The following TMPRSS15 variants were observed in gnomAD, a reference collection of about 807,000 sequenced individuals.
The protein encoded by TMPRSS15 is enteropeptidase.
TMPRSS15 carries 128 observed loss-of-function variants against 125.3 expected under a neutral mutation model. The ratio of observed to expected loss-of-function variants is 1.02; its 90% CI spans 0.89 to 1.18. TMPRSS15 has a LOEUF of 1.18. Ranked by LOEUF, TMPRSS15 falls within the 50% of genes most tolerant of loss-of-function variation. The pLI is 0.00. For missense variants in TMPRSS15, 1,283 were observed against 1,212.7 expected (o/e 1.06, Z -0.86); for synonymous variants, 446 against 423.2 (o/e 1.05, Z -0.66).
At chr21:18,270,697 T>A (rs1264260626) in intron 24 of TMPRSS15, among the ~76,000 whole-genome samples, 1 of 152,178 alleles carries the variant, frequency 6.6e-6, no homozygotes, top group African/African-American at 2.4e-5. Context: ...ATTGCTCATG[T>A]TTTCATCTGA....
chr21:18,463,951 G>A lies in TMPRSS15; in HGVS notation c.10+21848C>T, dbSNP rs186762149. On this transcript the variant is annotated intron_variant, in intron 1 of 7. Coordinates refer to the TMPRSS15 transcript ENST00000422787. Reference sequence around the variant, plus strand: ...GCACTTGGGGAAGCCGAGGTGGGTGGATCACGAGGTCAGGAGATGGAGACC... The same window carrying A: ...GCACTTGGGGAAGCCGAGGTGGGTGAATCACGAGGTCAGGAGATGGAGACC... 2.1e-3 allele frequency among the ~76,000 whole-genome samples: 322 copies of A among 152,128 alleles called. 1 individual carries two copies. Among genetic ancestry groups the A allele is most frequent in the African/African-American group, 7.3e-3 (303 of 41,526 alleles).
intron 18 of TMPRSS15, among the ~76,000 whole-genome samples, chr21:18,312,660 A>T (rs991571549): frequency 2.6e-5 from 4 of 151,898 alleles, no homozygotes; most frequent in Middle Eastern, 6.3e-3. Context: ...TCATCAAAAA[A>T]TATAAAATCA....
intron 16 of TMPRSS15, among the ~76,000 whole-genome samples, chr21:18,319,361 C>T (rs370544349): frequency 2.6e-4 from 39 of 149,558 alleles, no homozygotes; most frequent in African/African-American, 8.4e-4. Context: ...ACAGAGAATA[C>T]GCAGTAGATA....
At chr21:18,305,661 C>T (rs17836378) in intron 18 of TMPRSS15, among the ~76,000 whole-genome samples, 15,925 of 152,112 alleles carry the variant, frequency 0.1, 1,151 homozygotes, top group East Asian at 0.33. Context: ...GGTGTAGCTG[C>T]TGTATTACAA....
chr21:18,311,742 A>T (rs974605135), intron 18 of TMPRSS15, among the ~76,000 whole-genome samples: 2 of 152,202 alleles, frequency 1.3e-5, no homozygotes, highest in Non-Finnish European at 2.9e-5. Context: ...CTGGGCATAT[A>T]TTCAAAAGAA....
At chr21:18,370,720 A>G (rs929570121) in intron 6 of TMPRSS15, among the ~76,000 whole-genome samples, 4 of 152,164 alleles carry the variant, frequency 2.6e-5, no homozygotes, top group Non-Finnish European at 4.4e-5. Flanking sequence ...GAACATTTGC[A>G]TCGGGATTGC....
chr21:18,293,025 T>C (rs1213041626), intron 21 of TMPRSS15, among the ~76,000 whole-genome samples: 1 of 152,168 alleles, frequency 6.6e-6, no homozygotes, highest in African/African-American at 2.4e-5. Flanking sequence ...CGGTAGCTCC[T>C]TTGGAGACCA....
Position 18,383,681 on chromosome 21 carries a change from T to G in TMPRSS15, c.442A>C (p.Lys148Gln). ...EELIQGLEAN[K>Q]SSQLVTFHID... is the part of the protein sequence containing the mutation. ...TGGAAAGTGACCAGTTGGCTGGATT[T>G]ATTTGCTTCAAGGCCTTGAATCAGT... Residue 148 changes from lysine (K) to glutamine (Q), a missense_variant, in exon 4 of 25, where the codon AAA becomes CAA. By Grantham distance (53) the Lys-to-Gln change is moderately conservative. Coordinates refer to ENST00000284885, the MANE Select transcript of TMPRSS15 (RefSeq NM_002772.3). The G allele has an allele frequency of 6.2e-7, 1 of 1,614,076 alleles. No individual in the cohort carries two copies. Among genetic ancestry groups the G allele is most frequent in the Non-Finnish European group, 8.5e-7 (1 of 1,179,980 alleles).
chr21:18,294,435 T>C lies in TMPRSS15; in HGVS notation c.2321A>G (p.Lys774Arg), dbSNP rs2074877302. 6.2e-7 allele frequency: 1 copy of C among 1,614,132 alleles called. No individual in the cohort carries two copies. Among genetic ancestry groups the C allele is most frequent in the African/African-American group, 1.3e-5 (1 of 74,958 alleles). Residue 774 changes from lysine (K) to arginine (R), a missense_variant, in exon 21 of 25, where the codon AAA becomes AGA. Transcript: ENST00000284885. ...RLQCNHKSCG[K>R]KLAAQDITPK... ...GGTGATGTCTTGAGCTGCCAGTTTT[T>C]TTCCACAAGCTATTAAAATAATTGG...
At chr21:18,305,540 G>C (rs2088691040) in intron 18 of TMPRSS15, among the ~76,000 whole-genome samples, 1 of 152,044 alleles carries the variant, frequency 6.6e-6, no homozygotes, top group Admixed American at 6.5e-5. Flanking sequence ...GATGGAATTT[G>C]GTCCTAAAAC....
intron 21 of TMPRSS15, among the ~76,000 whole-genome samples, chr21:18,285,355 C>T (rs2074750336): frequency 6.6e-6 from 1 of 152,154 alleles, no homozygotes; most frequent in Non-Finnish European, 1.5e-5. Flanking sequence ...TATGGTAAGA[C>T]AGCTATGATA....
At chr21:18,348,927 C>T (rs2075536403) in intron 10 of TMPRSS15, among the ~76,000 whole-genome samples, 1 of 152,116 alleles carries the variant, frequency 6.6e-6, no homozygotes. Flanking sequence ...ATGTTTATTA[C>T]ATGCCTTTAA....
chr21:18,455,904 AGC>A lies in TMPRSS15; in HGVS notation c.10+29893_10+29894del, dbSNP rs373027688. ...TGTCCCTCCTTGCATAGTATTGTAT[AGC>A]AATCTAGATAACATTTGATTTGGTT... On this transcript the variant is annotated intron_variant, in intron 1 of 7. Coordinates refer to the TMPRSS15 transcript ENST00000422787. Among the ~76,000 whole-genome samples, 19 of 152,342 alleles carry A rather than the reference AGC, an allele frequency of 1.2e-4. No homozygotes were observed. In the East Asian group the frequency reaches 3.5e-3, roughly 28 times the overall value.
At chr21:18,365,581 T>TC (rs36139589) in intron 6 of TMPRSS15, among the ~76,000 whole-genome samples, 1 of 134,472 alleles carries the variant, frequency 7.4e-6, no homozygotes, top group African/African-American at 2.8e-5. Context: ...TCTTTCTCTC[T>TC]TTTTCCTTCC....
chr21:18,352,753 A>AT (rs1252033306), intron 10 of TMPRSS15, 150 bp downstream of exon 10: 4 of 782,692 alleles, frequency 5.1e-6, no homozygotes, highest in Non-Finnish European at 8.4e-6. Flanking sequence ...TTTGATTACC[A>AT]TTTTTCATTT....
upstream of TMPRSS15, among the ~76,000 whole-genome samples, chr21:18,406,520 A>T (rs1457318888): frequency 6.6e-6 from 1 of 152,172 alleles, no homozygotes; most frequent in Non-Finnish European, 1.5e-5. Context: ...GGCAATTGAC[A>T]AAAAGGGCAA....
intron 1 of TMPRSS15, among the ~76,000 whole-genome samples, chr21:18,416,065 T>C (rs948878404): frequency 5.3e-5 from 8 of 151,942 alleles, no homozygotes; most frequent in African/African-American, 1.4e-4. Flanking sequence ...ATAAAAATCA[T>C]ACAATATTTA....
In TMPRSS15 at chr21:18,354,325, C is replaced by T. The variant is rs561567995; in HGVS notation, c.881-462G>A. 1.7e-4 allele frequency among the ~76,000 whole-genome samples: 26 copies of T among 151,816 alleles called. No individual in the cohort carries two copies. In the South Asian group the frequency reaches 4.8e-3, roughly 28 times the overall value. The stretch of plus-strand genomic sequence containing the variant: ...TTGGCTCTTTACGCTTGTAACTATA[C>T]GACCTCAAAATAATACCAGGTGACT... On this transcript the variant is annotated intron_variant, in intron 8 of 24. Coordinates refer to ENST00000284885, the MANE Select transcript of TMPRSS15 (RefSeq NM_002772.3).
intron 1 of TMPRSS15, among the ~76,000 whole-genome samples, chr21:18,454,769 T>C (rs1295590329): frequency 6.6e-6 from 1 of 152,152 alleles, no homozygotes; most frequent in Non-Finnish European, 1.5e-5. Context: ...CCTGTTCTCA[T>C]TGGTAAGGGC....
Sources: allele counts gnomAD v4.1 joint callset (sites outside exome capture counted in the v4.1 genomes callset), GRCh38; gene constraint gnomAD v4.1.1; transcripts MANE v1.5; gene names NCBI Gene and HGNC (gene_info 2026-07-23, HGNC 2026-07-21).